GALNT10: variants seen among roughly 807,000 people sequenced by gnomAD.
GALNT10 encodes polypeptide N-acetylgalactosaminyltransferase 10.
A neutral mutation model predicts 75.0 loss-of-function variants in GALNT10; 41 were observed. The observed-to-expected ratio is 0.55, with a 90% CI of 0.43 to 0.71. The LOEUF (loss-of-function observed/expected upper bound fraction) is 0.71. Among genes scored for constraint, GALNT10 ranks in the 30% least tolerant of loss-of-function variants. The pLI is 0.00. For missense variants in GALNT10, 727 were observed against 818.5 expected (o/e 0.89, Z 1.36); for synonymous variants, 302 against 313.0 (o/e 0.96, Z 0.37).
At chr5:154,259,769 C>A (rs1360521048) in intron 1 of GALNT10, among the ~76,000 whole-genome samples, 1 of 152,122 alleles carries the variant, frequency 6.6e-6, no homozygotes. Flanking sequence ...ATGTTATAAG[C>A]CCCTGCACTC....
intron 1 of GALNT10, among the ~76,000 whole-genome samples, chr5:154,210,328 G>A (rs960835545): frequency 2.6e-5 from 4 of 151,874 alleles, no homozygotes; most frequent in South Asian, 4.1e-4. Flanking sequence ...GTTACCTACC[G>A]TGCACACAAG....
chr5:154,288,186 T>C (rs1398171112), intron 1 of GALNT10, among the ~76,000 whole-genome samples: 1 of 152,198 alleles, frequency 6.6e-6, no homozygotes, highest in African/African-American at 2.4e-5. Flanking sequence ...CTTCCAACAT[T>C]GCTGTTTGAG....
At chr5:154,393,930 G>A (rs770237649) in intron 7 of GALNT10, among the ~76,000 whole-genome samples, 5 of 152,188 alleles carry the variant, frequency 3.3e-5, no homozygotes, top group Admixed American at 6.5e-5. Context: ...ACATTGTTGG[G>A]GCCATTTGCA....
At chr5:154,404,380 T>A (rs1756229289) in intron 8 of GALNT10, among the ~76,000 whole-genome samples, 169 bp downstream of exon 8, 1 of 152,170 alleles carries the variant, frequency 6.6e-6, no homozygotes, top group South Asian at 2.1e-4. Context: ...AATCCCTACT[T>A]AACCATTCAT....
At chr5:154,302,357 A>G (rs1754375062) in intron 3 of GALNT10, among the ~76,000 whole-genome samples, 1 of 152,194 alleles carries the variant, frequency 6.6e-6, no homozygotes, top group South Asian at 2.1e-4. Flanking sequence ...GGACCTGCAA[A>G]TGGGAGTCAG....
At chr5:154,222,497 C>G (rs1752997662) in intron 1 of GALNT10, among the ~76,000 whole-genome samples, 1 of 152,088 alleles carries the variant, frequency 6.6e-6, no homozygotes, top group African/African-American at 2.4e-5. Context: ...AATGGAATGG[C>G]TGGATTGTAT....
chr5:154,284,229 C>T (rs958360170), intron 1 of GALNT10, among the ~76,000 whole-genome samples: 24 of 152,150 alleles, frequency 1.6e-4, no homozygotes, highest in Admixed American at 1.5e-3. Context: ...AGTTGGGAAA[C>T]CAAGGCTTGT....
intron 1 of GALNT10, among the ~76,000 whole-genome samples, chr5:154,248,285 G>A (rs528600913): frequency 0.014 from 2,171 of 152,132 alleles, 33 homozygotes; most frequent in African/African-American, 0.05. Context: ...TTTTTGTTGC[G>A]TCTCTGCCAG....
Position 154,371,569 on chromosome 5 carries a change from C to T in GALNT10, c.569-4708C>T, listed in dbSNP as rs1162536512. On this transcript the variant is annotated intron_variant, in intron 4 of 11. Transcript: ENST00000297107. Reference sequence around the variant, plus strand: ...GTGTGTGTGTGTGTGTGTGTACACACACACACACACACACGTGTGCACACA... The same window carrying T: ...GTGTGTGTGTGTGTGTGTGTACACATACACACACACACACGTGTGCACACA... 7.4e-5 allele frequency among the ~76,000 whole-genome samples: 4 copies of T among 54,174 alleles called. No individual in the cohort carries two copies. In the East Asian group the frequency reaches 1.4e-3, roughly 20 times the overall value. 35.5% of individuals were successfully genotyped at this position (54,174 alleles called of 152,430 possible).
intron 1 of GALNT10, among the ~76,000 whole-genome samples, chr5:154,202,536 G>A (rs935091258): frequency 6.6e-6 from 1 of 152,182 alleles, no homozygotes; most frequent in African/African-American, 2.4e-5. Flanking sequence ...TGAGGCTCAG[G>A]AAACTTAAGT....
At chr5:154,315,752 C>A (rs768963820) in intron 3 of GALNT10, among the ~76,000 whole-genome samples, 1 of 152,184 alleles carries the variant, frequency 6.6e-6, no homozygotes, top group Non-Finnish European at 1.5e-5. Context: ...GGGCTGTGGG[C>A]TTGGTCATTT....
At chr5:154,338,253 A>G (rs1754973671) in intron 4 of GALNT10, 2 of 716,156 alleles carry the variant, frequency 2.8e-6, no homozygotes, top group African/African-American at 1.7e-5. Context: ...TAGGTGGCAA[A>G]CCCACAGCCC....
In GALNT10 at chr5:154,380,516, C is replaced by T. The variant is rs1182774029; in HGVS notation, c.823C>T (p.Arg275Trp). The change falls in exon 6 of 12, where the codon CGG becomes TGG. Residue 275 changes from arginine to tryptophan, a missense_variant. Transcript: ENST00000297107. ...MIDVIDHDDF[R>W]YETQAGDAMR... ...TGATGTAATTGACCATGACGACTTT[C>T]GGTACGAGACACAGGCAGGGGATGC... 3.1e-6 allele frequency: 5 copies of T among 1,613,908 alleles called. No homozygotes were observed. Among genetic ancestry groups the T allele is most frequent in the Admixed American group, 1.7e-5 (1 of 60,012 alleles).
At chr5:154,406,071 A>C (rs918379720) in intron 8 of GALNT10, 7 of 151,962 alleles carry the variant, frequency 4.6e-5, no homozygotes, top group Non-Finnish European at 1.0e-4. Context: ...CATTTTAGGG[A>C]TGGGGAACAT....
Position 154,291,990 on chromosome 5 carries a change from A to G in GALNT10, c.160-2826A>G, listed in dbSNP as rs187948852. 6.6e-5 allele frequency among the ~76,000 whole-genome samples: 10 copies of G among 152,354 alleles called. No individual in the cohort carries two copies. The East Asian group carries it at 1.9e-3, about 29-fold the overall frequency. ...TTTAGGTTTTCAAGAGAAGCCAAAA[A>G]TCTTGATAAAACAATATGAAATCTC... On this transcript the variant is annotated intron_variant, in intron 1 of 11. Transcript: ENST00000297107.
intron 1 of GALNT10, among the ~76,000 whole-genome samples, chr5:154,210,054 A>G (rs1278145129): frequency 6.6e-6 from 1 of 152,186 alleles, no homozygotes; most frequent in African/African-American, 2.4e-5. Context: ...ATTGAGGCTA[A>G]GGGATGGTTG....
At position 154,362,645 on chromosome 5, in the gene GALNT10, A is replaced by G. The variant is rs114243992; in HGVS notation, c.569-13632A>G. Among the ~76,000 whole-genome samples the G allele has an allele frequency of 5.8e-3, 881 of 152,290 alleles. 5 individuals carry two copies. The highest frequency in any genetic ancestry group is 0.01 in the Middle Eastern group (3 of 294). On this transcript the variant is annotated intron_variant, in intron 4 of 11. Coordinates refer to ENST00000297107, the MANE Select transcript of GALNT10 (RefSeq NM_198321.4). ...CATCTTGGAACTGTGAAATGATACA[A>G]TTCCAATGCTGGAGGGGGGTCTTCG...
intron 1 of GALNT10, among the ~76,000 whole-genome samples, chr5:154,253,710 T>TC (rs1753564273): frequency 1.7e-5 from 1 of 58,436 alleles, no homozygotes; most frequent in Admixed American, 3.3e-4. Flanking sequence ...CCTCCTCTTT[T>TC]TTTTTTTTTT....
At chr5:154,357,469 C>T (rs1755313235) in intron 4 of GALNT10, among the ~76,000 whole-genome samples, 1 of 152,120 alleles carries the variant, frequency 6.6e-6, no homozygotes, top group South Asian at 2.1e-4. Flanking sequence ...TCTTAGAGAA[C>T]TCCATTTGGT....
Sources: allele counts gnomAD v4.1 joint callset (sites outside exome capture counted in the v4.1 genomes callset), GRCh38; gene constraint gnomAD v4.1.1; transcripts MANE v1.5; gene names NCBI Gene and HGNC (gene_info 2026-07-23, HGNC 2026-07-21).